Variants in RIGI observed in about 807,000 individuals in gnomAD.
RIGI encodes the protein antiviral innate immune response receptor RIG-I.
At chr9:32,503,335 A>G in the RIGI span, among the ~76,000 whole-genome samples, 3 of 152,136 alleles carry the variant, frequency 2.0e-5, no homozygotes, top group Admixed American at 2.0e-4. Context: ...CCTGGCCCCA[A>G]TATCTGCTGC....
the RIGI span, among the ~76,000 whole-genome samples, chr9:32,482,853 T>TA: frequency 0.022 from 3,100 of 142,202 alleles, 48 homozygotes; most frequent in South Asian, 0.037. Context: ...GTGAGACTCT[T>TA]AAAAAAAAAA....
the RIGI span, among the ~76,000 whole-genome samples, chr9:32,486,841 C>CA: frequency 1.3e-5 from 2 of 151,836 alleles, no homozygotes; most frequent in South Asian, 4.1e-4. Flanking sequence ...TCCTTACTTA[C>CA]AAGCAGCCTT....
chr9:32,500,779 T>A, the RIGI span: 1 of 1,603,254 alleles, frequency 6.2e-7, no homozygotes, highest in East Asian at 2.2e-5. Context: ...TATCCTCTGA[T>A]TTGTGATTAA....
the RIGI span, chr9:32,466,520 G>A: frequency 7.7e-7 from 1 of 1,302,770 alleles, no homozygotes; most frequent in Non-Finnish European, 1.0e-6. Flanking sequence ...AACAAATAGA[G>A]GTACTCCTAA....
the RIGI span, among the ~76,000 whole-genome samples, chr9:32,465,768 G>A: frequency 5.9e-5 from 9 of 152,198 alleles, no homozygotes; most frequent in African/African-American, 1.7e-4. Context: ...TCTGGAGAAA[G>A]TATGGGTATG....
chr9:32,487,836 A>G, the RIGI span: 1 of 1,385,134 alleles, frequency 7.2e-7, no homozygotes, highest in Non-Finnish European at 9.9e-7. Flanking sequence ...GTTGTACAAT[A>G]TGGACTTGGG....
the RIGI span, chr9:32,472,968 T>C: frequency 1.2e-6 from 2 of 1,600,726 alleles, no homozygotes; most frequent in Admixed American, 1.7e-5. Flanking sequence ...TCACTATATA[T>C]AAATACCTGT....
At chr9:32,475,637 C>A in the RIGI span, among the ~76,000 whole-genome samples, 47 of 152,120 alleles carry the variant, frequency 3.1e-4, no homozygotes, top group African/African-American at 1.1e-3. Flanking sequence ...GCATCTCAAC[C>A]AATACCTCAC....
chr9:32,496,692 T>A, the RIGI span, among the ~76,000 whole-genome samples: 1 of 152,238 alleles, frequency 6.6e-6, no homozygotes, highest in East Asian at 1.9e-4. Context: ...TGTATACATA[T>A]CCCATCATAT....
the RIGI span, among the ~76,000 whole-genome samples, chr9:32,455,534 A>G: frequency 0.027 from 4,087 of 152,232 alleles, 174 homozygotes; most frequent in African/African-American, 0.091. Context: ...CCGTGATCCA[A>G]TCACCTCCCG....
chr9:32,501,442 T>A, the RIGI span, among the ~76,000 whole-genome samples: 2 of 151,882 alleles, frequency 1.3e-5, no homozygotes, highest in Non-Finnish European at 2.9e-5. Flanking sequence ...GAGTTCAAGG[T>A]TCCCGTAAGC....
At chr9:32,467,644 G>T in the RIGI span, 1 of 976,402 alleles carries the variant, frequency 1.0e-6, no homozygotes, top group Non-Finnish European at 1.5e-6. Context: ...AAAGTGCACT[G>T]TGCCATTGGT....
chr9:32,492,146 T>C, the RIGI span, among the ~76,000 whole-genome samples: 1 of 152,222 alleles, frequency 6.6e-6, no homozygotes, highest in African/African-American at 2.4e-5. Context: ...TCAAATCCTT[T>C]GGGCCAGATG....
the RIGI span, among the ~76,000 whole-genome samples, chr9:32,463,143 A>T: frequency 6.6e-6 from 1 of 152,194 alleles, no homozygotes; most frequent in Admixed American, 6.5e-5. Context: ...TTAAAAAATT[A>T]AAAACCAAAT....
the RIGI span, among the ~76,000 whole-genome samples, chr9:32,470,523 C>G: frequency 2.0e-5 from 3 of 151,872 alleles, no homozygotes; most frequent in Non-Finnish European, 4.4e-5. Context: ...GATTTTTTTT[C>G]AAACAAAAAT....
At chr9:32,483,705 C>G in the RIGI span, among the ~76,000 whole-genome samples, 1 of 150,952 alleles carries the variant, frequency 6.6e-6, no homozygotes, top group African/African-American at 2.4e-5. Context: ...AGTGGTCCTG[C>G]AGCCAAAATC....
At chr9:32,459,185 C>CA in the RIGI span, among the ~76,000 whole-genome samples, 12 of 152,202 alleles carry the variant, frequency 7.9e-5, no homozygotes, top group East Asian at 2.1e-3. Flanking sequence ...TATGCCTGGC[C>CA]AAAAACTATT....
the RIGI span, among the ~76,000 whole-genome samples, chr9:32,507,446 ATATCT>A: frequency 3.3e-5 from 5 of 152,096 alleles, no homozygotes; most frequent in African/African-American, 1.2e-4. Flanking sequence ...ACTAATAAAG[ATATCT>A]TATAATTCCC....
chr9:32,487,319 G>A, the RIGI span: 1 of 737,052 alleles, frequency 1.4e-6, no homozygotes. Context: ...AGTTAGAGAG[G>A]CTAAAAAATG....
Sources: allele counts gnomAD v4.1 joint callset (sites outside exome capture counted in the v4.1 genomes callset), GRCh38; gene constraint gnomAD v4.1.1; transcripts MANE v1.5; gene names NCBI Gene and HGNC (gene_info 2026-07-23, HGNC 2026-07-21).